MTMR7: variants seen among roughly 807,000 people sequenced by gnomAD.
MTMR7 encodes the protein myotubularin related protein 7, also known as phosphatidylinositol-3-phosphate phosphatase MTMR7.
In MTMR7, 76 loss-of-function variants were observed where a neutral mutation model predicts 81.2. The ratio of observed to expected loss-of-function variants is 0.94; its 90% CI spans 0.78 to 1.13. The LOEUF is 1.13. Ranked by LOEUF, MTMR7 falls within the 50% of genes most tolerant of loss-of-function variation. MTMR7 has a pLI of 0.00. For synonymous variants in MTMR7, 372 were observed against 289.8 expected, an observed-to-expected ratio of 1.28 and a Z score of -2.88; for missense variants, 1,044 against 820.0, an observed-to-expected ratio of 1.27 and a Z score of -3.34.
At chr8:17,394,019 T>G (rs558089500) in intron 1 of MTMR7, among the ~76,000 whole-genome samples, 2 of 152,226 alleles carry the variant, frequency 1.3e-5, no homozygotes, top group South Asian at 2.1e-4. Context: ...TCACACCCAT[T>G]AGGATAGCTA....
chr8:17,355,874 G>C (rs1378660292), intron 4 of MTMR7, among the ~76,000 whole-genome samples: 1 of 152,058 alleles, frequency 6.6e-6, no homozygotes, highest in Non-Finnish European at 1.5e-5. Context: ...AAACCACATC[G>C]AGATCCAATT....
chr8:17,316,904 AGG>A (rs1818115836), intron 7 of MTMR7, among the ~76,000 whole-genome samples: 1 of 152,074 alleles, frequency 6.6e-6, no homozygotes, highest in Non-Finnish European at 1.5e-5. Flanking sequence ...TTGGATACTG[AGG>A]GATGACTCTA....
intron 7 of MTMR7, among the ~76,000 whole-genome samples, chr8:17,323,479 C>T (rs545268520): frequency 6.6e-6 from 1 of 152,146 alleles, no homozygotes; most frequent in Admixed American, 6.5e-5. Flanking sequence ...GCAAATGGCA[C>T]AAGAGAAGTC....
At chr8:17,397,572 C>G (rs1359857174) in intron 1 of MTMR7, among the ~76,000 whole-genome samples, 2 of 152,112 alleles carry the variant, frequency 1.3e-5, no homozygotes, top group East Asian at 1.9e-4. Context: ...ACATGAGGTA[C>G]GTTTTTAAGG....
chr8:17,299,842 T>C lies in MTMR7; in HGVS notation c.*20A>G. 1 of 1,612,622 alleles carries C rather than the reference T, an allele frequency of 6.2e-7. No homozygotes were observed. The highest frequency in any genetic ancestry group is 2.2e-5 in the East Asian group (1 of 44,846). ...AGTGTTGCTTATGTGTCCTTTACTT[T>C]GGAACTCCAAAGGGAAACTTCAGGC... On this transcript the variant is annotated 3_prime_UTR_variant, in exon 14 of 14. Transcript: ENST00000180173.
At chr8:17,318,615 G>C (rs1364474099) in intron 7 of MTMR7, among the ~76,000 whole-genome samples, 2 of 152,160 alleles carry the variant, frequency 1.3e-5, no homozygotes, top group African/African-American at 4.8e-5. Flanking sequence ...ACCGCATCAT[G>C]TCAGCTAATT....
chr8:17,368,479 C>A (rs796866216), intron 3 of MTMR7, among the ~76,000 whole-genome samples: 4 of 152,342 alleles, frequency 2.6e-5, no homozygotes, highest in African/African-American at 9.6e-5. Context: ...CAACTACACA[C>A]ACACCCTTAT....
At chr8:17,309,429 C>T (rs1817667240) in intron 9 of MTMR7, 103 bp from the exon 10 acceptor site, 1 of 800,216 alleles carries the variant, frequency 1.2e-6, no homozygotes, top group Non-Finnish European at 2.1e-6. Flanking sequence ...GCAGAAGTCC[C>T]CATCCTCGAG....
At chr8:17,345,975 G>A (rs945996145) in intron 5 of MTMR7, 5 of 152,198 alleles carry the variant, frequency 3.3e-5, no homozygotes, top group African/African-American at 1.2e-4. Flanking sequence ...AATAACCAAA[G>A]AGAAGAAAGA....
At chr8:17,344,354 G>C (rs967743400) in intron 5 of MTMR7, among the ~76,000 whole-genome samples, 1 of 152,222 alleles carries the variant, frequency 6.6e-6, no homozygotes, top group Non-Finnish European at 1.5e-5. Context: ...GCTCATGCCT[G>C]TAATCCCAGC....
At chr8:17,300,248 G>C (rs1246243613) in intron 13 of MTMR7, 24 bp from the exon 14 acceptor site, 2 of 1,582,102 alleles carry the variant, frequency 1.3e-6, no homozygotes, top group Admixed American at 3.7e-5. Context: ...AACAATTTCA[G>C]GGGAAAAATC....
At chr8:17,335,108 A>C (rs1246256405) in intron 6 of MTMR7, among the ~76,000 whole-genome samples, 2 of 152,166 alleles carry the variant, frequency 1.3e-5, no homozygotes, top group Non-Finnish European at 2.9e-5. Flanking sequence ...GAAAAACTGG[A>C]GACTGATTTA....
In MTMR7 at chr8:17,322,780, G is replaced by A. The variant is rs575533714; in HGVS notation, c.865+8370C>T. On this transcript the variant is annotated intron_variant, in intron 7 of 13. Coordinates refer to ENST00000180173, the MANE Select transcript of MTMR7 (RefSeq NM_004686.5). The stretch of plus-strand genomic sequence containing the variant: ...TCAGAGGCTGCTGTGAGCTACAGTT[G>A]CATCACTGCACTTCAGCCTGGACAA... Among the ~76,000 whole-genome samples, 7 of 152,172 alleles carry A rather than the reference G, an allele frequency of 4.6e-5. No individual in the cohort carries two copies. In the South Asian group the frequency reaches 1.5e-3, roughly 32 times the overall value.
rs1376617474 is a variant in MTMR7 at position 17,367,554 on chromosome 8, T to C, written c.310+3483A>G. ...CAGCTTCCTGCATTTGGGCATGTTA[T>C]GTTTTGCCTGAGATCTTCTACAGTC... On this transcript the variant is annotated intron_variant, in intron 3 of 13. Coordinates refer to ENST00000180173, the MANE Select transcript of MTMR7 (RefSeq NM_004686.5). Among the ~76,000 whole-genome samples the C allele has an allele frequency of 3.9e-5, 6 of 152,358 alleles. 1 individual carries two copies. The highest frequency in any genetic ancestry group is 1.4e-4 in the African/African-American group (6 of 41,580).
intron 7 of MTMR7, among the ~76,000 whole-genome samples, chr8:17,324,230 C>A (rs976986889): frequency 2.0e-5 from 3 of 152,184 alleles, no homozygotes; most frequent in Admixed American, 6.5e-5. Flanking sequence ...CAATGCCTGG[C>A]ATATAGAACA....
At chr8:17,392,924 A>C (rs1821148882) in intron 1 of MTMR7, among the ~76,000 whole-genome samples, 1 of 152,224 alleles carries the variant, frequency 6.6e-6, no homozygotes, top group African/African-American at 2.4e-5. Flanking sequence ...AAATAACTTG[A>C]AAACAGCTAA....
chr8:17,394,426 G>A lies in MTMR7; in HGVS notation c.24+18843C>T, dbSNP rs974612917. 4.6e-5 allele frequency among the ~76,000 whole-genome samples: 7 copies of A among 152,024 alleles called. No individual in the cohort carries two copies. The South Asian group carries it at 8.3e-4, about 18-fold the overall frequency. On this transcript the variant is annotated intron_variant, in intron 1 of 13. Transcript: ENST00000180173. ...ATGAACCTTGAAAATCTTAAGTTAC[G>A]CTTAACTGAAAGAAGCCAGTCACAA... is the stretch of plus-strand genomic sequence containing the variant.
chr8:17,311,688 A>T (rs1326861855), intron 8 of MTMR7, 52 bp from the exon 9 acceptor site: 2 of 1,611,708 alleles, frequency 1.2e-6, no homozygotes, highest in African/African-American at 2.7e-5. Context: ...GTAAAAAGGC[A>T]GAACCTCTCA....
In MTMR7 at chr8:17,297,981, A is replaced by G. The variant is rs1350271582; in HGVS notation, c.*1881T>C. ...CTACATTTTAAAACATCAAATATTT[A>G]TACTATTTGCTTTTCAAATAAAAGC... On this transcript the variant is annotated 3_prime_UTR_variant, in exon 14 of 14. Coordinates refer to ENST00000180173, the MANE Select transcript of MTMR7 (RefSeq NM_004686.5). The G allele has an allele frequency of 6.6e-6, 1 of 152,120 alleles. No homozygotes were observed. The highest frequency in any genetic ancestry group is 1.5e-5 in the Non-Finnish European group (1 of 67,930). The allele number at this position is 152,120 out of a possible 1,614,324, so 9.4% of individuals were successfully genotyped here. A position where few individuals can be genotyped will look rare whatever the true frequency, so the allele number is the denominator to read the frequency against.
Sources: allele counts gnomAD v4.1 joint callset (sites outside exome capture counted in the v4.1 genomes callset), GRCh38; gene constraint gnomAD v4.1.1; transcripts MANE v1.5; gene names NCBI Gene and HGNC (gene_info 2026-07-23, HGNC 2026-07-21).